KCNA2: variants seen among roughly 807,000 people sequenced by gnomAD.
The protein encoded by KCNA2 is potassium channel, voltage gated shaker related subfamily A, member 2.
A neutral mutation model predicts 33.4 loss-of-function variants in KCNA2; 11 were observed. The observed-to-expected ratio is 0.33, with a 90% CI of 0.21 to 0.55. The LOEUF is 0.55. Among genes scored for constraint, KCNA2 ranks in the 20% least tolerant of loss-of-function variants. KCNA2 has a pLI of 0.93. For synonymous variants in KCNA2, 222 were observed against 231.3 expected (o/e 0.96, Z 0.37); for missense variants, 291 against 621.6 (o/e 0.47, Z 5.66).
intron 1 of KCNA2, among the ~76,000 whole-genome samples, chr1:110,630,009 CTTT>C (rs372364243): frequency 4.3e-5 from 5 of 115,212 alleles, no homozygotes; most frequent in African/African-American, 1.9e-4. Context: ...GTGCTCTGTA[CTTT>C]TTTTTTTTTT....
chr1:110,602,586 CA>C lies in KCNA2; in HGVS notation c.*696del, dbSNP rs1347524586. 1.9e-5 allele frequency: 19 copies of C among 1,024,598 alleles called. 1 individual carries two copies. The East Asian group carries it at 1.5e-3, about 79-fold the overall frequency. 63.5% of individuals were successfully genotyped at this position (1,024,598 alleles called of 1,614,324 possible). Reference sequence around the variant, plus strand: ...GTCTGTTGGTTTGTTAGCTTCTCCCCATAGGCCTAAGGGAACAAATGTGAAA... The same window carrying C: ...GTCTGTTGGTTTGTTAGCTTCTCCCCTAGGCCTAAGGGAACAAATGTGAAA... On this transcript the variant is annotated 3_prime_UTR_variant, in exon 3 of 3. Transcript: ENST00000316361.
chr1:110,611,484 T>C (rs55765939), intron 1 of KCNA2, among the ~76,000 whole-genome samples: 34,077 of 152,116 alleles, frequency 0.22, 4,707 homozygotes, highest in East Asian at 0.41. Flanking sequence ...ATCCCAGTAA[T>C]TTGGGAGGCT....
upstream of KCNA2, among the ~76,000 whole-genome samples, chr1:110,608,253 T>A (rs1557735344): frequency 1.3e-5 from 2 of 152,210 alleles, no homozygotes; most frequent in Non-Finnish European, 2.9e-5. Context: ...AGATAGGGCA[T>A]CCGAGAAGGT....
In KCNA2 at chr1:110,594,673, A is replaced by T. The variant is rs1334241008; in HGVS notation, c.*8610T>A. ...AAGGAACCATCCAAGCACGACAACA[A>T]AAGGAAACTGGGTCGCTGGATCCCA... On this transcript the variant is annotated 3_prime_UTR_variant, in exon 3 of 3. Transcript: ENST00000316361. 2.0e-6 allele frequency: 2 copies of T among 985,258 alleles called. No individual in the cohort carries two copies. The highest frequency in any genetic ancestry group is 2.4e-6 in the Non-Finnish European group (2 of 829,976). The allele number at this position is 985,258 out of a possible 1,614,324, so 61.0% of individuals were successfully genotyped here.
rs569128112 is a variant in KCNA2, at chr1:110,593,843, G to A, written c.*9440C>T. On this transcript the variant is annotated 3_prime_UTR_variant, in exon 3 of 3. Coordinates refer to ENST00000316361, the MANE Select transcript of KCNA2 (RefSeq NM_004974.4). ...AGCTGCAGAAGTCCTGGGTGGGGCA[G>A]TGTTGGTGGGGCTGAAAGCTTCCAG... The A allele has an allele frequency of 6.5e-7, 1 of 1,548,822 alleles. No individual in the cohort carries two copies. The highest frequency in any genetic ancestry group is 2.0e-5 in the Admixed American group (1 of 50,784).
intron 1 of KCNA2, among the ~76,000 whole-genome samples, chr1:110,617,115 G>A (rs1650091930): frequency 6.6e-6 from 1 of 152,204 alleles, no homozygotes; most frequent in Admixed American, 6.5e-5. Context: ...TCACTCCCTG[G>A]AGAAGGGCTC....
rs116046964 is a variant in KCNA2 at position 110,617,440 on chromosome 1, G to C, written c.-495-11718C>G. 4.8e-3 allele frequency among the ~76,000 whole-genome samples: 726 copies of C among 152,314 alleles called. 6 individuals are homozygous for C. The highest frequency in any genetic ancestry group is 0.017 in the African/African-American group (692 of 41,566). The stretch of plus-strand genomic sequence containing the variant: ...CTGAGGAGTTCAGGTTGTCCTGTAG[G>C]TGATAGGGAGCCATTGAGAGTTCTG... On this transcript the variant is annotated intron_variant, in intron 1 of 4. Coordinates refer to the KCNA2 transcript ENST00000369770.
intron 1 of KCNA2, among the ~76,000 whole-genome samples, chr1:110,622,172 T>C (rs541273727): frequency 6.6e-6 from 1 of 152,262 alleles, no homozygotes; most frequent in South Asian, 2.1e-4. Context: ...GAGTTTGTCA[T>C]AGAAATTCAA....
At position 110,603,721 on chromosome 1, in the gene KCNA2, T is replaced by C. The variant is rs768928010; in HGVS notation, c.1062A>G (p.Arg354=). ...SAVYFAEADE[R]ESQFPSIPDA... is the part of the protein sequence containing the mutation. Reference sequence around the variant, plus strand: ...CTGGGATGCTGGGGAACTGGGACTCTCGCTCATCGGCCTCTGCAAAATACA... The same window carrying C: ...CTGGGATGCTGGGGAACTGGGACTCCCGCTCATCGGCCTCTGCAAAATACA... The change falls in exon 3 of 3, where the codon CGA becomes CGG. Residue 354 remains arginine, a synonymous_variant. Transcript: ENST00000316361. The surrounding 1 kb of genome is among the most constrained non-coding windows in gnomAD (Gnocchi z 5.7). 3.7e-6 allele frequency: 6 copies of C among 1,614,070 alleles called. No homozygotes were observed. The highest frequency in any genetic ancestry group is 5.1e-6 in the Non-Finnish European group (6 of 1,180,024).
intron 1 of KCNA2, among the ~76,000 whole-genome samples, chr1:110,627,073 TCACA>T (rs1238833583): frequency 6.6e-6 from 1 of 152,184 alleles, no homozygotes; most frequent in Admixed American, 6.5e-5. Flanking sequence ...TGTCTCTGTT[TCACA>T]CACACAGGAA....
Position 110,598,007 on chromosome 1 carries a change from T to C in KCNA2, c.*5276A>G, listed in dbSNP as rs1030573840. 7 of 985,210 alleles carry C rather than the reference T, an allele frequency of 7.1e-6. No individual in the cohort carries two copies. Among genetic ancestry groups the C allele is most frequent in the Admixed American group, 6.2e-5 (1 of 16,252 alleles). 61.0% of individuals were successfully genotyped at this position (985,210 alleles called of 1,614,324 possible). A position where few individuals can be genotyped will look rare whatever the true frequency, so the allele number is the denominator to read the frequency against. ...AGGGTTGGACTCAACAAGGGCTAAG[T>C]CTGAAGATATAGATGATGGTCACAA... On this transcript the variant is annotated 3_prime_UTR_variant, in exon 3 of 3. Coordinates refer to ENST00000316361, the MANE Select transcript of KCNA2 (RefSeq NM_004974.4).
upstream of KCNA2, among the ~76,000 whole-genome samples, chr1:110,610,312 C>A (rs531330350): frequency 2.0e-5 from 3 of 152,176 alleles, no homozygotes; most frequent in Non-Finnish European, 4.4e-5. Flanking sequence ...TAGTTCTTCC[C>A]ATTTGTGAAT....
intron 1 of KCNA2, among the ~76,000 whole-genome samples, chr1:110,615,407 G>C (rs968590008): frequency 1.3e-5 from 2 of 152,170 alleles, no homozygotes. Context: ...AGCCTCTCTG[G>C]CTCAAGTATT....
At position 110,600,172 on chromosome 1, in the gene KCNA2, C is replaced by A; in HGVS notation, c.*3111G>T. The stretch of plus-strand genomic sequence containing the variant: ...TTAATTCATAGCTCTGGGGGCAGGG[C>A]AATGGGTCTGAGTATATGTCTGCAT... On this transcript the variant is annotated 3_prime_UTR_variant, in exon 3 of 3. Transcript: ENST00000316361. 1 of 983,388 alleles carries A rather than the reference C, an allele frequency of 1.0e-6. No individual in the cohort carries two copies. The highest frequency in any genetic ancestry group is 1.2e-6 in the Non-Finnish European group (1 of 829,652). 60.9% of individuals were successfully genotyped at this position (983,388 alleles called of 1,614,324 possible). A position where few individuals can be genotyped will look rare whatever the true frequency, so the allele number is the denominator to read the frequency against.
intron 1 of KCNA2, among the ~76,000 whole-genome samples, chr1:110,630,877 C>T (rs1362021180): frequency 6.6e-6 from 1 of 152,144 alleles, no homozygotes; most frequent in Non-Finnish European, 1.5e-5. Flanking sequence ...CATCTGTCCC[C>T]CTGGCCACAC....
chr1:110,599,045 G>A lies in KCNA2; in HGVS notation c.*4238C>T. 3.0e-6 allele frequency: 3 copies of A among 985,334 alleles called. No individual in the cohort carries two copies. Among genetic ancestry groups the A allele is most frequent in the Non-Finnish European group, 3.6e-6 (3 of 829,884 alleles). The allele number at this position is 985,334 out of a possible 1,614,324, so 61.0% of individuals were successfully genotyped here. A position where few individuals can be genotyped will look rare whatever the true frequency, so the allele number is the denominator to read the frequency against. ...AAGTTTCCAGCAAAGCACACGTTTT[G>A]GACCCATATGTCCACTCCCTACTGT... On this transcript the variant is annotated 3_prime_UTR_variant, in exon 3 of 3. Transcript: ENST00000316361.
rs532572418 is a variant in KCNA2 at position 110,596,921 on chromosome 1, C to T, written c.*6362G>A. On this transcript the variant is annotated 3_prime_UTR_variant, in exon 3 of 3. Transcript: ENST00000316361. ...ATTGTCCAGTCTGAACATTTAAGCT[C>T]ACAGATGTTAGGAAAGGGGACTCTT... is the stretch of plus-strand genomic sequence containing the variant. 4.8e-5 allele frequency: 47 copies of T among 985,328 alleles called. No individual in the cohort carries two copies. Among genetic ancestry groups the T allele is most frequent in the Non-Finnish European group, 5.7e-5 (47 of 829,954 alleles). 61.0% of individuals were successfully genotyped at this position (985,328 alleles called of 1,614,324 possible).
In KCNA2 at chr1:110,594,093, C is replaced by G. The variant is rs1648982391; in HGVS notation, c.*9190G>C. 2 of 1,413,322 alleles carry G rather than the reference C, an allele frequency of 1.4e-6. No homozygotes were observed. Among genetic ancestry groups the G allele is most frequent in the African/African-American group, 2.9e-5 (2 of 68,372 alleles). 87.5% of individuals were successfully genotyped at this position (1,413,322 alleles called of 1,614,324 possible). A position where few individuals can be genotyped will look rare whatever the true frequency, so the allele number is the denominator to read the frequency against. ...ATCCTTACGAAGCTTTACCATCAGC[C>G]TTGGAGTTCCTTCTGCTATTGATCC... On this transcript the variant is annotated 3_prime_UTR_variant, in exon 3 of 3. Transcript: ENST00000316361.
At chr1:110,606,571 C>T (rs1649638226), upstream of KCNA2, 1 of 152,416 alleles carries the variant, frequency 6.6e-6, no homozygotes, top group Non-Finnish European at 1.5e-5. Flanking sequence ...CCAGACCCTC[C>T]CGCTGGCCGC....
Sources: gnomAD v4.1 joint callset for allele counts (sites outside exome capture counted in the v4.1 genomes callset) on GRCh38, gnomAD v4.1.1 for gene constraint, Gnocchi (gnomAD v3.1) non-coding constraint, MANE v1.5 for transcripts, NCBI Gene and HGNC (gene_info 2026-07-23, HGNC 2026-07-21) for gene names.